Variants in FGD4 observed in about 807,000 individuals in gnomAD.
FGD4 encodes FYVE, RhoGEF and PH domain containing 4.
In FGD4, 42 loss-of-function variants were observed where a neutral mutation model predicts 102.0. The observed-to-expected ratio is 0.41, with a 90% CI of 0.32 to 0.53. The LOEUF (loss-of-function observed/expected upper bound fraction) is 0.53. Ranked by LOEUF, FGD4 falls within the 20% of genes least tolerant of loss-of-function variation. The pLI is 0.21. For missense variants in FGD4, 902 were observed against 1,078.2 expected (o/e 0.84, Z 2.29); for synonymous variants, 380 against 375.7 (o/e 1.01, Z -0.13).
intron 1 of FGD4, among the ~76,000 whole-genome samples, chr12:32,410,087 G>A (rs1941135586): frequency 6.6e-6 from 1 of 151,902 alleles, no homozygotes; most frequent in South Asian, 2.1e-4. Context: ...CCAGCACTTT[G>A]GGAGGCCGAA....
chr12:32,410,559 A>C (rs1486931178), intron 1 of FGD4, among the ~76,000 whole-genome samples: 1 of 152,180 alleles, frequency 6.6e-6, no homozygotes, highest in African/African-American at 2.4e-5. Flanking sequence ...CTTGAATTGC[A>C]GTTGACAGTG....
chr12:32,536,336 TGAG>T (rs1942258862), intron 1 of FGD4, among the ~76,000 whole-genome samples: 1 of 152,180 alleles, frequency 6.6e-6, no homozygotes, highest in Admixed American at 6.5e-5. Flanking sequence ...AGAATAGACT[TGAG>T]GAGGTCAAGA....
intron 2 of FGD4, among the ~76,000 whole-genome samples, chr12:32,571,869 G>A (rs1945698407): frequency 1.3e-5 from 2 of 152,076 alleles, no homozygotes; most frequent in Admixed American, 1.3e-4. Context: ...GAGTAGAGAT[G>A]AGCCAAGCAG....
intron 1 of FGD4, among the ~76,000 whole-genome samples, chr12:32,514,717 T>C (rs1939723936): frequency 6.6e-6 from 1 of 152,062 alleles, no homozygotes; most frequent in South Asian, 2.1e-4. Context: ...TATTAAAGGA[T>C]ATATTTTACG....
intron 1 of FGD4, among the ~76,000 whole-genome samples, chr12:32,541,803 T>G: frequency 6.6e-6 from 1 of 152,238 alleles, no homozygotes; most frequent in East Asian, 1.9e-4. Context: ...AGAAGAATTT[T>G]GATCTATATC....
chr12:32,548,086 C>T (rs912408836), intron 1 of FGD4, among the ~76,000 whole-genome samples: 4 of 152,232 alleles, frequency 2.6e-5, no homozygotes, highest in South Asian at 2.1e-4. Flanking sequence ...GTCTCAGCAT[C>T]GGTGTATCCC....
intron 10 of FGD4, among the ~76,000 whole-genome samples, chr12:32,617,177 A>G (rs1482745047): frequency 2.6e-5 from 4 of 152,224 alleles, no homozygotes; most frequent in Non-Finnish European, 5.9e-5. Context: ...CATTCAAACC[A>G]TGGCAGCTAC....
chr12:32,465,883 A>G (rs1046273599), intron 1 of FGD4, among the ~76,000 whole-genome samples: 2 of 151,994 alleles, frequency 1.3e-5, no homozygotes, highest in Non-Finnish European at 2.9e-5. Context: ...GTCTCAAGTG[A>G]TCCTTCTGCC....
chr12:32,576,418 T>C lies in FGD4; in HGVS notation c.472T>C (p.Ser158Pro), dbSNP rs989660324. The C allele has an allele frequency of 1.5e-5, 24 of 1,613,966 alleles. No homozygotes were observed. Among genetic ancestry groups the C allele is most frequent in the Non-Finnish European group, 1.9e-5 (22 of 1,180,014 alleles). Residue 158 changes from serine to proline, a missense_variant, in exon 3 of 17, where the codon TCA (serine) becomes CCA (proline). Coordinates refer to ENST00000534526, the MANE Select transcript of FGD4 (RefSeq NM_001370298.3). ...CVSKEKPSKV[S>P]DLISRFEGGS... ...CTCAAAAGAAAAACCCAGTAAGGTA[T>C]CAGATCTCATCAGTCGCTTTGAAGG...
intron 2 of FGD4, among the ~76,000 whole-genome samples, chr12:32,571,998 G>A (rs1945706404): frequency 6.6e-6 from 1 of 152,082 alleles, no homozygotes; most frequent in Non-Finnish European, 1.5e-5. Context: ...CCAGGAGTTT[G>A]AGGTTACAAT....
intron 1 of FGD4, among the ~76,000 whole-genome samples, chr12:32,563,425 TC>T (rs1163051730): frequency 6.6e-6 from 1 of 151,020 alleles, no homozygotes; most frequent in Non-Finnish European, 1.5e-5. Flanking sequence ...GAGACGCTCC[TC>T]AGTTCCTAGA....
At chr12:32,400,175 G>C (rs1172957372) in intron 1 of FGD4, among the ~76,000 whole-genome samples, 2 of 152,254 alleles carry the variant, frequency 1.3e-5, no homozygotes, top group African/African-American at 2.4e-5. Flanking sequence ...CTACCGCCGA[G>C]CTTGTCCTGG....
chr12:32,416,538 TA>T (rs891620335), intron 1 of FGD4, among the ~76,000 whole-genome samples: 5 of 152,184 alleles, frequency 3.3e-5, no homozygotes, highest in African/African-American at 7.2e-5. Flanking sequence ...TGGACACACA[TA>T]AAACACAACA....
At chr12:32,428,414 G>T (rs1362390095) in intron 1 of FGD4, among the ~76,000 whole-genome samples, 1 of 152,164 alleles carries the variant, frequency 6.6e-6, no homozygotes, top group Non-Finnish European at 1.5e-5. Context: ...TGGCTTGTAG[G>T]GTTTCTGCAG....
At chr12:32,490,399 CTTTTTTT>C (rs3077004) in intron 1 of FGD4, among the ~76,000 whole-genome samples, 3 of 130,920 alleles carry the variant, frequency 2.3e-5, no homozygotes, top group Non-Finnish European at 4.8e-5. Flanking sequence ...TTTTATCAGT[CTTTTTTT>C]TTTTTTTTTT....
rs1001755830 is a variant in FGD4, at chr12:32,539,078, T to TA, written c.167-25057dup. Among the ~76,000 whole-genome samples the TA allele has an allele frequency of 4.5e-4, 69 of 151,812 alleles. 1 individual carries two copies. The highest frequency in any genetic ancestry group is 1.6e-3 in the African/African-American group (66 of 41,358). On this transcript the variant is annotated intron_variant, in intron 1 of 16. Coordinates refer to ENST00000534526, the MANE Select transcript of FGD4 (RefSeq NM_001370298.3). ...CAATAAATAAAAAGATAAAAATAAA[T>TA]AAGAAAAAGAGGTCCTTAATATTTT... is the stretch of plus-strand genomic sequence containing the variant.
chr12:32,563,481 A>G (rs1461149263), intron 1 of FGD4, among the ~76,000 whole-genome samples: 3 of 142,840 alleles, frequency 2.1e-5, no homozygotes, highest in African/African-American at 8.0e-5. Flanking sequence ...CCTAGATGAG[A>G]TGGCGGCCAG....
rs1408135595 is a variant in FGD4 at position 32,601,426 on chromosome 12, A to G, written c.1247+3A>G. ...CTGGAGAAACGAATGCAAGAATGGT[A>G]AGAGGAGTAGATAGAAAATGATATG... On this transcript the variant is annotated splice_donor_region_variant and intron_variant, in intron 6 of 16. Transcript: ENST00000534526. 1 of 1,613,178 alleles carries G rather than the reference A, an allele frequency of 6.2e-7. No individual in the cohort carries two copies. The highest frequency in any genetic ancestry group is 8.5e-7 in the Non-Finnish European group (1 of 1,179,466).
chr12:32,573,172 T>TG (rs1281265670), intron 2 of FGD4, among the ~76,000 whole-genome samples: 2 of 152,208 alleles, frequency 1.3e-5, no homozygotes, highest in Admixed American at 6.5e-5. Context: ...CTCGGCTCAC[T>TG]GGAAGCTCCG....
Sources: gnomAD v4.1 joint callset for allele counts (sites outside exome capture counted in the v4.1 genomes callset) on GRCh38, gnomAD v4.1.1 for gene constraint, MANE v1.5 for transcripts, NCBI Gene and HGNC (gene_info 2026-07-23, HGNC 2026-07-21) for gene names.